NFIB: variants seen among roughly 807,000 people sequenced by gnomAD.
NFIB encodes nuclear factor 1 B-type.
Under a neutral mutation model 61.5 loss-of-function variants are expected in NFIB, and 11 were observed. The ratio of observed to expected loss-of-function variants is 0.18; its 90% confidence interval spans 0.11 to 0.30. NFIB has a LOEUF of 0.30. NFIB is among the 10% of genes least tolerant of loss of function. The probability of loss-of-function intolerance (pLI) is 1.00; values close to 1 mark genes in which losing one functional copy is unlikely to be tolerated. For synonymous variants in NFIB, 260 were observed against 216.5 expected, an observed-to-expected ratio of 1.20 and a Z score of -1.76; for missense variants, 471 against 608.9, an observed-to-expected ratio of 0.77 and a Z score of 2.38.
At chr9:14,447,382 G>A in the NFIB span, among the ~76,000 whole-genome samples, 2 of 152,068 alleles carry the variant, frequency 1.3e-5, no homozygotes. Flanking sequence ...TTTAGAGCTT[G>A]GAAAGAAGAT....
chr9:14,160,170 G>T (rs993564225), intron 3 of NFIB, among the ~76,000 whole-genome samples: 1 of 152,138 alleles, frequency 6.6e-6, no homozygotes, highest in African/African-American at 2.4e-5. Flanking sequence ...AAACTGAAAA[G>T]TCTCAAAGGC....
chr9:14,417,347 G>C, the NFIB span, among the ~76,000 whole-genome samples: 3 of 152,204 alleles, frequency 2.0e-5, no homozygotes, highest in Non-Finnish European at 4.4e-5. Flanking sequence ...CTATACCACA[G>C]AGCCTAGGTG....
At chr9:14,397,749 T>C (rs1424829256) in intron 1 of NFIB, among the ~76,000 whole-genome samples, 3 of 152,214 alleles carry the variant, frequency 2.0e-5, no homozygotes, top group Admixed American at 6.5e-5. Context: ...TCTGACATAG[T>C]AGCTATACAA....
chr9:14,450,024 G>C, the NFIB span, among the ~76,000 whole-genome samples: 2 of 151,886 alleles, frequency 1.3e-5, no homozygotes, highest in African/African-American at 2.4e-5. Flanking sequence ...CAATGTGCAG[G>C]TTTGTTACCT....
chr9:14,149,953 G>T (rs981842862), intron 5 of NFIB, among the ~76,000 whole-genome samples, 192 bp downstream of exon 5: 1 of 152,116 alleles, frequency 6.6e-6, no homozygotes, highest in Admixed American at 6.6e-5. Flanking sequence ...TTTTAAAACT[G>T]CTGTGTACAA....
chr9:14,394,721 T>C (rs1049664687), intron 1 of NFIB, among the ~76,000 whole-genome samples: 2 of 152,158 alleles, frequency 1.3e-5, no homozygotes, highest in East Asian at 1.9e-4. Context: ...ATGGCTTCCA[T>C]GTCTTGTAGA....
At chr9:14,470,525 G>A in the NFIB span, among the ~76,000 whole-genome samples, 150 of 152,206 alleles carry the variant, frequency 9.9e-4, 1 homozygote, top group African/African-American at 3.2e-3. Flanking sequence ...AGGGCCAGAT[G>A]GTCATCTCTG....
At chr9:14,204,505 C>A in intron 2 of NFIB, 8 of 1,110,906 alleles carry the variant, frequency 7.2e-6, no homozygotes, top group Non-Finnish European at 1.1e-5. Flanking sequence ...TCACCCAGGA[C>A]CTGGACCACC....
At chr9:14,270,122 A>G (rs4740565) in intron 2 of NFIB, among the ~76,000 whole-genome samples, 146,771 of 152,234 alleles carry the variant, frequency 0.96, 70,804 homozygotes, top group East Asian at 0.99. Context: ...TACTTCCATC[A>G]TTAAGGAAAC....
At chr9:14,510,984 G>A in the NFIB span, among the ~76,000 whole-genome samples, 6 of 152,202 alleles carry the variant, frequency 3.9e-5, no homozygotes, top group African/African-American at 9.6e-5. Context: ...TCAGTTCCTT[G>A]TAACCAAATT....
At chr9:14,226,673 A>T (rs1458036515) in intron 2 of NFIB, among the ~76,000 whole-genome samples, 2 of 152,238 alleles carry the variant, frequency 1.3e-5, no homozygotes, top group Non-Finnish European at 2.9e-5. Flanking sequence ...ACATTTTAAA[A>T]ATAAATATTA....
intron 1 of NFIB, among the ~76,000 whole-genome samples, chr9:14,387,113 G>A (rs933825874): frequency 6.6e-6 from 1 of 152,186 alleles, no homozygotes; most frequent in East Asian, 1.9e-4. Flanking sequence ...TATGACTTGG[G>A]GTTAGGTGAC....
At chr9:14,135,877 T>G (rs899148250) in intron 6 of NFIB, among the ~76,000 whole-genome samples, 2 of 152,200 alleles carry the variant, frequency 1.3e-5, no homozygotes, top group African/African-American at 4.8e-5. Flanking sequence ...ACTGAGTTAT[T>G]TAATCTTAAT....
chr9:14,338,228 A>T (rs1315979843), intron 1 of NFIB, among the ~76,000 whole-genome samples: 1 of 152,062 alleles, frequency 6.6e-6, no homozygotes, highest in Non-Finnish European at 1.5e-5. Flanking sequence ...CCCCATCTCT[A>T]CTAAAAATAC....
chr9:14,139,241 G>GA (rs1172970780), intron 6 of NFIB, among the ~76,000 whole-genome samples: 8 of 152,118 alleles, frequency 5.3e-5, no homozygotes, highest in Admixed American at 1.3e-4. Flanking sequence ...ACTTAGCTGT[G>GA]AAACAGGAGC....
rs914246246 is a variant in NFIB at position 14,216,522 on chromosome 9, C to G, written c.563-36742G>C. 1.7e-4 allele frequency among the ~76,000 whole-genome samples: 7 copies of G among 42,174 alleles called. 1 individual carries two copies. Among genetic ancestry groups the G allele is most frequent in the African/African-American group, 1.0e-3 (7 of 7,000 alleles). The allele number at this position is 42,174 out of a possible 152,430, so 27.7% of individuals were successfully genotyped here. A position where few individuals can be genotyped will look rare whatever the true frequency, so the allele number is the denominator to read the frequency against. On this transcript the variant is annotated intron_variant, in intron 2 of 10. Coordinates refer to ENST00000380953, the MANE Select transcript of NFIB (RefSeq NM_001190737.2). ...TCTCTCTCTCTCTCTCTCTCTCTCT[C>G]TCTCTCTCTCTCTCTCTCTCCCTCT...
chr9:14,476,620 T>G, the NFIB span, among the ~76,000 whole-genome samples: 1 of 152,202 alleles, frequency 6.6e-6, no homozygotes, highest in African/African-American at 2.4e-5. Flanking sequence ...TCACGCAAAA[T>G]TCCTGACTTC....
At chr9:14,252,580 G>T (rs2055757621) in intron 2 of NFIB, among the ~76,000 whole-genome samples, 1 of 151,964 alleles carries the variant, frequency 6.6e-6, no homozygotes. Flanking sequence ...AAAAGAAAAA[G>T]AACTGTAATG....
chr9:14,211,700 G>A (rs938366584), intron 2 of NFIB, among the ~76,000 whole-genome samples: 3 of 152,200 alleles, frequency 2.0e-5, no homozygotes, highest in African/African-American at 7.2e-5. Context: ...TCCACCCTGC[G>A]GGGCCGTCTG....
Sources: allele counts gnomAD v4.1 joint callset (sites outside exome capture counted in the v4.1 genomes callset), GRCh38; gene constraint gnomAD v4.1.1; transcripts MANE v1.5; gene names NCBI Gene and HGNC (gene_info 2026-07-23, HGNC 2026-07-21).